The following CACNG1 variants were observed in gnomAD, a reference collection of about 807,000 sequenced individuals.
CACNG1 encodes the protein voltage-dependent calcium channel gamma-1 subunit.
CACNG1 carries 21 observed loss-of-function variants against 22.0 expected under a neutral mutation model. That is an observed-to-expected ratio of 0.95 (90% CI 0.68 to 1.37). The LOEUF (loss-of-function observed/expected upper bound fraction) is 1.37, where lower values mean the gene tolerates loss of function less well. CACNG1 is among the 40% of genes most tolerant of loss of function. CACNG1 has a pLI of 0.00. For missense variants in CACNG1, 291 were observed against 308.6 expected, an observed-to-expected ratio of 0.94 and a Z score of 0.43; for synonymous variants, 127 against 129.2, an observed-to-expected ratio of 0.98 and a Z score of 0.12.
chr17:67,052,239 T>G (rs2035732165), intron 1 of CACNG1, among the ~76,000 whole-genome samples: 1 of 152,124 alleles, frequency 6.6e-6, no homozygotes, highest in Non-Finnish European at 1.5e-5. Flanking sequence ...GTAACGCGGT[T>G]CAAAAGGAAA....
intron 1 of CACNG1, among the ~76,000 whole-genome samples, chr17:67,050,339 T>C (rs2035721296): frequency 6.6e-6 from 1 of 152,378 alleles, no homozygotes; most frequent in South Asian, 2.1e-4. Context: ...TCTGAAGCTC[T>C]AGGGTCAGGT....
Position 67,055,176 on chromosome 17 carries a change from C to T in CACNG1, c.378C>T (p.Leu126=). 6.2e-7 allele frequency: 1 copy of T among 1,614,242 alleles called. No individual in the cohort carries two copies. Among genetic ancestry groups the T allele is most frequent in the Non-Finnish European group, 8.5e-7 (1 of 1,180,036 alleles). The stretch of plus-strand genomic sequence containing the variant: ...TCATCCTGGGCAGCCTCTGTGTCCT[C>T]CTGTCCCTCGGGAAGAAGAGGGACT... ...GFIILGSLCV[L]LSLGKKRDYL... The change falls in exon 3 of 4, where the codon CTC becomes CTT. Residue 126 remains leucine (L), a synonymous_variant. Transcript: ENST00000226021. The surrounding 1 kb of genome is among the most constrained non-coding windows in gnomAD (Gnocchi z 4.5).
intron 1 of CACNG1, among the ~76,000 whole-genome samples, chr17:67,050,643 G>A (rs1388290678): frequency 6.6e-6 from 1 of 152,180 alleles, no homozygotes; most frequent in Non-Finnish European, 1.5e-5. Context: ...CCTGCCAGCT[G>A]TTCCAACTAT....
At position 67,055,052 on chromosome 17, in the gene CACNG1, A is replaced by C. The variant is rs745696355; in HGVS notation, c.305-51A>C. 24 of 1,580,212 alleles carry C rather than the reference A, an allele frequency of 1.5e-5. No homozygotes were observed. The South Asian group carries it at 2.7e-4, about 18-fold the overall frequency. The stretch of plus-strand genomic sequence containing the variant: ...ATGGTGTGGTCCCTAACGAGCCATG[A>C]CAAGAGCTCCCATGCTGAGGCCGCA... On this transcript the variant is annotated intron_variant, in intron 2 of 3. Coordinates refer to ENST00000226021, the MANE Select transcript of CACNG1 (RefSeq NM_000727.4). The surrounding 1 kb of genome is among the most constrained non-coding windows in gnomAD (Gnocchi z 4.5).
In CACNG1 at chr17:67,044,565, G is replaced by A. The variant is rs891449930; in HGVS notation, c.-96G>A. On this transcript the variant is annotated 5_prime_UTR_variant, in exon 1 of 4. Transcript: ENST00000226021. The surrounding 1 kb of genome is among the most constrained non-coding windows in gnomAD (Gnocchi z 6.9). ...TAAACTTAGTGGCCACTCCCAGCTCGACAACCACTGCCACCCCCCAAGCTC... is the reference window on the plus strand; with the variant it reads ...TAAACTTAGTGGCCACTCCCAGCTCAACAACCACTGCCACCCCCCAAGCTC... 18 of 797,978 alleles carry A rather than the reference G, an allele frequency of 2.3e-5. No individual in the cohort carries two copies. The highest frequency in any genetic ancestry group is 2.2e-4 in the African/African-American group (13 of 59,536). 49.4% of individuals were successfully genotyped at this position (797,978 alleles called of 1,614,324 possible).
chr17:67,053,629 A>G (rs995123676), intron 1 of CACNG1, among the ~76,000 whole-genome samples: 2 of 152,240 alleles, frequency 1.3e-5, no homozygotes, highest in African/African-American at 4.8e-5. Context: ...ATCGGCCCCA[A>G]CAGAGACTGC....
At chr17:67,045,129 T>C (rs2035688674) in intron 1 of CACNG1, among the ~76,000 whole-genome samples, 1 of 152,214 alleles carries the variant, frequency 6.6e-6, no homozygotes, top group African/African-American at 2.4e-5. Flanking sequence ...TGGGGCTTTT[T>C]GCCCAGAGCA....
At chr17:67,045,709 G>T (rs989976184) in intron 1 of CACNG1, among the ~76,000 whole-genome samples, 1 of 151,952 alleles carries the variant, frequency 6.6e-6, no homozygotes, top group Non-Finnish European at 1.5e-5. Context: ...TTTCAGTAGA[G>T]ACGGGGTTTC....
chr17:67,044,728 C>T lies in CACNG1; in HGVS notation c.68C>T (p.Ala23Val), dbSNP rs866467777. The change falls in exon 1 of 4, where the codon GCC (alanine) becomes GTC (valine). Residue 23 changes from alanine (A) to valine (V), a missense_variant. Transcript: ENST00000226021. The surrounding 1 kb of genome is among the most constrained non-coding windows in gnomAD (Gnocchi z 6.9). ...LFCILAGIVL[A>V]MTAVVTDHWA... ...TGCATCCTGGCAGGCATCGTGCTGG[C>T]CATGACAGCCGTGGTAACCGACCAC... 19 of 1,612,428 alleles carry T rather than the reference C, an allele frequency of 1.2e-5. No individual in the cohort carries two copies. The African/African-American group carries it at 2.5e-4, about 22-fold the overall frequency.
intron 1 of CACNG1, among the ~76,000 whole-genome samples, chr17:67,050,762 C>T (rs2035723477): frequency 1.3e-5 from 2 of 152,122 alleles, no homozygotes; most frequent in Admixed American, 1.3e-4. Context: ...TTACTGATGC[C>T]CTTAACCAGA....
chr17:67,050,113 C>G (rs917681263), intron 1 of CACNG1, among the ~76,000 whole-genome samples: 2 of 152,258 alleles, frequency 1.3e-5, no homozygotes, highest in Non-Finnish European at 2.9e-5. Context: ...CAGACTCTGC[C>G]TCTTTAGGGC....
intron 1 of CACNG1, among the ~76,000 whole-genome samples, chr17:67,046,655 T>TGGGCAGGGCA (rs532746796): frequency 3.3e-5 from 5 of 152,054 alleles, no homozygotes; most frequent in East Asian, 1.9e-4. Context: ...CCAACTCCCC[T>TGGGCAGGGCA]GGGCAGGGCA....
In CACNG1 at chr17:67,055,333, T is replaced by G; in HGVS notation, c.442+93T>G. 1 of 1,415,558 alleles carries G rather than the reference T, an allele frequency of 7.1e-7. No individual in the cohort carries two copies. Among genetic ancestry groups the G allele is most frequent in the Non-Finnish European group, 9.6e-7 (1 of 1,042,950 alleles). 87.7% of individuals were successfully genotyped at this position (1,415,558 alleles called of 1,614,324 possible). A position where few individuals can be genotyped will look rare whatever the true frequency, so the allele number is the denominator to read the frequency against. On this transcript the variant is annotated intron_variant, in intron 3 of 3. Coordinates refer to ENST00000226021, the MANE Select transcript of CACNG1 (RefSeq NM_000727.4). This position sits in a 1 kb window ranked among gnomAD's most constrained non-coding sequence, Gnocchi z 4.5. ...CCTCATGCCCACCGCGAGATTTGGG[T>G]GAGGGGCATTTCCCAGGCTCCATCC... is the stretch of plus-strand genomic sequence containing the variant.
At chr17:67,048,689 A>G (rs1249610464) in intron 1 of CACNG1, among the ~76,000 whole-genome samples, 1 of 152,232 alleles carries the variant, frequency 6.6e-6, no homozygotes, top group African/African-American at 2.4e-5. Context: ...GATGAAAATG[A>G]TGCCTCATGA....
chr17:67,049,269 A>G (rs2035714601), intron 1 of CACNG1, among the ~76,000 whole-genome samples: 1 of 152,182 alleles, frequency 6.6e-6, no homozygotes, highest in Admixed American at 6.5e-5. Context: ...ACATACATAT[A>G]TTAGCTCACC....
intron 1 of CACNG1, 72 bp from the exon 2 acceptor site, chr17:67,053,924 C>A (rs113550460): frequency 9.1e-7 from 1 of 1,098,212 alleles, no homozygotes; most frequent in Admixed American, 1.7e-5. Context: ...AATGACACCA[C>A]GCTCTCTGCC....
Position 67,056,011 on chromosome 17 carries a change from C to T in CACNG1, c.443-34C>T, listed in dbSNP as rs1383175834. 2 of 1,574,244 alleles carry T rather than the reference C, an allele frequency of 1.3e-6. No individual in the cohort carries two copies. The highest frequency in any genetic ancestry group is 8.7e-7 in the Non-Finnish European group (1 of 1,153,332). The stretch of plus-strand genomic sequence containing the variant: ...GGGCTGGTGGCTACGGCAGACGCCC[C>T]TCGGTCCCTGAGCATGCCTGGCTCT... On this transcript the variant is annotated intron_variant, in intron 3 of 3. Coordinates refer to ENST00000226021, the MANE Select transcript of CACNG1 (RefSeq NM_000727.4). This position sits in a 1 kb window ranked among gnomAD's most constrained non-coding sequence, Gnocchi z 4.3.
chr17:67,046,829 G>A (rs369109654), intron 1 of CACNG1, among the ~76,000 whole-genome samples: 1 of 152,210 alleles, frequency 6.6e-6, no homozygotes, highest in Admixed American at 6.5e-5. Flanking sequence ...GCTGGTGAGA[G>A]GTGACTGGAC....
At position 67,044,707 on chromosome 17, in the gene CACNG1, T is replaced by G. The variant is rs1444705659; in HGVS notation, c.47T>G (p.Ile16Ser). 1.9e-6 allele frequency: 3 copies of G among 1,611,418 alleles called. No homozygotes were observed. Among genetic ancestry groups the G allele is most frequent in the Non-Finnish European group, 2.5e-6 (3 of 1,180,004 alleles). The change falls in exon 1 of 4, where the codon ATC becomes AGC. Residue 16 changes from isoleucine to serine, a missense_variant. Physicochemically the swap from Ile to Ser is moderately radical, Grantham distance 142. Coordinates refer to ENST00000226021, the MANE Select transcript of CACNG1 (RefSeq NM_000727.4). The surrounding 1 kb of genome is among the most constrained non-coding windows in gnomAD (Gnocchi z 6.9). The stretch of plus-strand genomic sequence containing the variant: ...AAGGTCCGCGTGACCCTCTTCTGCA[T>G]CCTGGCAGGCATCGTGCTGGCCATG... ...MLKVRVTLFC[I>S]LAGIVLAMTA...
Sources: allele counts gnomAD v4.1 joint callset (sites outside exome capture counted in the v4.1 genomes callset), GRCh38; gene constraint gnomAD v4.1.1; non-coding constraint Gnocchi (gnomAD v3.1); transcripts MANE v1.5; gene names NCBI Gene and HGNC (gene_info 2026-07-23, HGNC 2026-07-21).